The following CPED1 variants were observed in gnomAD, a reference collection of about 807,000 sequenced individuals.
CPED1 encodes cadherin-like and PC-esterase domain-containing protein 1.
In CPED1, 114 loss-of-function variants were observed where a neutral mutation model predicts 128.2. The ratio of observed to expected loss-of-function variants is 0.89; its 90% CI spans 0.76 to 1.04. The LOEUF is 1.04. CPED1 is among the 50% of genes least tolerant of loss of function. The pLI is 0.00. For missense variants in CPED1, 1,211 were observed against 1,207.1 expected (o/e 1.00, Z -0.05); for synonymous variants, 462 against 426.7 (o/e 1.08, Z -1.02).
intron 2 of CPED1, among the ~76,000 whole-genome samples, chr7:121,002,081 C>A (rs940207950): frequency 2.0e-5 from 3 of 151,944 alleles, no homozygotes; most frequent in African/African-American, 7.2e-5. Flanking sequence ...TATACAAATG[C>A]CAAGTTATAA....
At chr7:121,200,669 TCTTA>T (rs529374501) in intron 16 of CPED1, among the ~76,000 whole-genome samples, 495 of 151,812 alleles carry the variant, frequency 3.3e-3, no homozygotes, top group Non-Finnish European at 5.2e-3. Context: ...AAAGAAAGAG[TCTTA>T]CTTACATTTT....
In CPED1 at chr7:121,295,140, A is replaced by AACACACACACACACACACAC. The variant is rs35927183; in HGVS notation, c.2869-284_2869-265dup. 2.4e-3 allele frequency among the ~76,000 whole-genome samples: 351 copies of AACACACACACACACACACAC among 145,852 alleles called. 1 individual carries two copies. The highest frequency in any genetic ancestry group is 7.9e-3 in the African/African-American group (306 of 38,706). On this transcript the variant is annotated intron_variant, in intron 22 of 22. Transcript: ENST00000310396. ...TGTATGTCAGTGTGCCTGGCCTGAA[A>AACACACACACACACACACAC]ACACACACACACACACACACACACA...
intron 5 of CPED1, chr7:121,076,664 CTCTT>C (rs1794131646): frequency 6.6e-6 from 1 of 152,140 alleles, no homozygotes; most frequent in South Asian, 2.1e-4. Flanking sequence ...AGTTTTCTCT[CTCTT>C]CTTATCCAGC....
chr7:121,060,240 C>G (rs1406482758), intron 4 of CPED1, among the ~76,000 whole-genome samples: 3 of 152,232 alleles, frequency 2.0e-5, no homozygotes, highest in Admixed American at 6.5e-5. Flanking sequence ...GGCTCCTGTG[C>G]GGCCGGAGCC....
At chr7:121,143,787 T>C (rs1228139871) in intron 16 of CPED1, among the ~76,000 whole-genome samples, 1 of 152,008 alleles carries the variant, frequency 6.6e-6, no homozygotes, top group African/African-American at 2.4e-5. Flanking sequence ...TATGTATAAA[T>C]GATTCAGCAG....
intron 18 of CPED1, among the ~76,000 whole-genome samples, chr7:121,244,992 A>T (rs776990212): frequency 3.3e-5 from 5 of 152,214 alleles, no homozygotes; most frequent in Non-Finnish European, 5.9e-5. Context: ...ATAGACTGAG[A>T]TGCTTGGTTA....
chr7:121,044,600 T>C (rs1255787468), intron 3 of CPED1, among the ~76,000 whole-genome samples: 6 of 146,632 alleles, frequency 4.1e-5, no homozygotes, highest in Non-Finnish European at 7.5e-5. Context: ...TACTTTGTTT[T>C]TAATGTTTAG....
At chr7:121,015,598 T>G in intron 2 of CPED1, 67 bp from the exon 3 acceptor site, 1 of 1,400,366 alleles carries the variant, frequency 7.1e-7, no homozygotes, top group Non-Finnish European at 9.7e-7. Context: ...TTGATTTGCA[T>G]TCATGATGTC....
At chr7:121,118,557 TAAA>T (rs34002082) in intron 7 of CPED1, among the ~76,000 whole-genome samples, 3 of 115,152 alleles carry the variant, frequency 2.6e-5, no homozygotes, top group Admixed American at 1.7e-4. Flanking sequence ...AGACTCTGTC[TAAA>T]AAAAAAAAAA....
chr7:121,261,670 T>C lies in CPED1; in HGVS notation c.2311-4557T>C, dbSNP rs532226040. On this transcript the variant is annotated intron_variant, in intron 18 of 22. Coordinates refer to ENST00000310396, the MANE Select transcript of CPED1 (RefSeq NM_024913.5). Reference sequence around the variant, plus strand: ...TCCAGAGAGTTCCTAGAAGCCGTAATTGAAGACACAATCCAGTCATCCTGG... The same window carrying C: ...TCCAGAGAGTTCCTAGAAGCCGTAACTGAAGACACAATCCAGTCATCCTGG... 1.2e-5 allele frequency: 19 copies of C among 1,611,114 alleles called. No individual in the cohort carries two copies. The Admixed American group carries it at 3.2e-4, about 27-fold the overall frequency.
intron 18 of CPED1, among the ~76,000 whole-genome samples, chr7:121,263,280 CAGG>C (rs1409426746): frequency 1.3e-5 from 2 of 152,018 alleles, no homozygotes; most frequent in Non-Finnish European, 2.9e-5. Context: ...TGCTGGAGAT[CAGG>C]AGGAGATTTG....
At chr7:121,059,837 G>C (rs538206567) in intron 4 of CPED1, among the ~76,000 whole-genome samples, 1 of 152,172 alleles carries the variant, frequency 6.6e-6, no homozygotes, top group African/African-American at 2.4e-5. Context: ...GCTCGCTCTC[G>C]GCGCCTCCTC....
intron 16 of CPED1, among the ~76,000 whole-genome samples, chr7:121,146,109 G>A (rs1796019448): frequency 6.6e-6 from 1 of 152,076 alleles, no homozygotes; most frequent in Non-Finnish European, 1.5e-5. Flanking sequence ...ATAAAGAACA[G>A]AAATGTATTT....
At chr7:121,252,319 T>G (rs1798692121) in intron 18 of CPED1, among the ~76,000 whole-genome samples, 1 of 152,134 alleles carries the variant, frequency 6.6e-6, no homozygotes, top group African/African-American at 2.4e-5. Context: ...TAATTCAAGA[T>G]GGATTAAAGA....
intron 22 of CPED1, among the ~76,000 whole-genome samples, chr7:121,278,257 A>G (rs1792368365): frequency 6.6e-6 from 1 of 152,200 alleles, no homozygotes; most frequent in Non-Finnish European, 1.5e-5. Flanking sequence ...ATAAAAATAC[A>G]GGACAAAGAA....
Position 121,097,722 on chromosome 7 carries a change from T to G in CPED1, c.640T>G (p.Ser214Ala). The part of the protein sequence containing the change: ...FPELQLPVSP[S>A]VCLDQGMQLK... ...AGAACTGCAACTTCCAGTGAGTCCC[T>G]CTGTGTGTCTGGATCAGGGAATGCA... The change falls in exon 6 of 23, where the codon TCT becomes GCT. Residue 214 changes from serine (S) to alanine (A), a missense_variant. By Grantham distance (99) the Ser-to-Ala change is moderately conservative. Coordinates refer to ENST00000310396, the MANE Select transcript of CPED1 (RefSeq NM_024913.5). The G allele has an allele frequency of 6.2e-7, 1 of 1,613,816 alleles. No homozygotes were observed. Among genetic ancestry groups the G allele is most frequent in the African/African-American group, 1.3e-5 (1 of 75,044 alleles).
intron 18 of CPED1, among the ~76,000 whole-genome samples, chr7:121,264,072 A>G (rs1387921290): frequency 6.6e-6 from 1 of 152,048 alleles, no homozygotes; most frequent in Non-Finnish European, 1.5e-5. Context: ...TAAAGAAGAG[A>G]TTAGGACATA....
At chr7:121,154,833 C>G (rs1232730272) in intron 16 of CPED1, among the ~76,000 whole-genome samples, 1 of 152,204 alleles carries the variant, frequency 6.6e-6, no homozygotes, top group Non-Finnish European at 1.5e-5. Context: ...CGTGAGCCAC[C>G]GCGCCCGGCC....
intron 7 of CPED1, among the ~76,000 whole-genome samples, chr7:121,117,243 G>T (rs776427218): frequency 6.6e-6 from 1 of 150,538 alleles, no homozygotes; most frequent in African/African-American, 2.4e-5. Flanking sequence ...TGGGATTACA[G>T]ATGAGTACCA....
Sources: gnomAD v4.1 joint callset for allele counts (sites outside exome capture counted in the v4.1 genomes callset) on GRCh38, gnomAD v4.1.1 for gene constraint, MANE v1.5 for transcripts, NCBI Gene and HGNC (gene_info 2026-07-23, HGNC 2026-07-21) for gene names.